Variants in EZH1 observed in about 807,000 individuals in gnomAD.
The protein encoded by EZH1 is histone-lysine N-methyltransferase EZH1.
Under a neutral mutation model 100.5 loss-of-function variants are expected in EZH1, and 33 were observed. That is an observed-to-expected ratio of 0.33 (90% CI 0.25 to 0.44). EZH1 has a LOEUF of 0.44. EZH1 is among the 20% of genes least tolerant of loss of function. EZH1 has a pLI of 1.00. For synonymous variants in EZH1, 272 were observed against 313.8 expected, an observed-to-expected ratio of 0.87 and a Z score of 1.41; for missense variants, 475 against 928.4, an observed-to-expected ratio of 0.51 and a Z score of 6.35.
At chr17:42,704,279 C>T (rs2053304372) in intron 18 of EZH1, among the ~76,000 whole-genome samples, 1 of 152,162 alleles carries the variant, frequency 6.6e-6, no homozygotes, top group African/African-American at 2.4e-5. Context: ...TGGCTTACTC[C>T]TGTAATCCTA....
chr17:42,703,823 G>A lies in EZH1; in HGVS notation c.2018-3C>T. 3.1e-6 allele frequency: 5 copies of A among 1,610,440 alleles called. No homozygotes were observed. In the East Asian group the frequency reaches 8.9e-5, roughly 29 times the overall value. On this transcript the variant is annotated splice_region_variant and splice_polypyrimidine_tract_variant and intron_variant, in intron 18 of 20. Transcript: ENST00000428826. ...CCGAGTAGCATCCACTACAAAATCT[G>A]TATAAAGTAAATCAAGGAAAACCAT...
chr17:42,724,766 T>C (rs2053784164), intron 4 of EZH1, among the ~76,000 whole-genome samples: 2 of 148,470 alleles, frequency 1.3e-5, no homozygotes, highest in Non-Finnish European at 1.5e-5. Flanking sequence ...AGAGCGAGAC[T>C]CTGTCTCAAG....
rs756153810 is a variant in EZH1, at chr17:42,712,288, C to A, written c.1401+1G>T. 1 of 1,613,076 alleles carries A rather than the reference C, an allele frequency of 6.2e-7. No individual in the cohort carries two copies. The highest frequency in any genetic ancestry group is 1.7e-5 in the Admixed American group (1 of 59,980). On this transcript the variant is annotated splice_donor_variant, in intron 12 of 20. Transcript: ENST00000428826. LOFTEE classifies it high-confidence loss of function. Reference sequence around the variant, plus strand: ...TTTGTTCTGCTGCTTCCAGATGGTACCTGCTTGCACGTCTTGGTCCCCAGA... The same window carrying A: ...TTTGTTCTGCTGCTTCCAGATGGTAACTGCTTGCACGTCTTGGTCCCCAGA...
At chr17:42,733,206 G>A (rs1356207569) in intron 1 of EZH1, among the ~76,000 whole-genome samples, 1 of 151,310 alleles carries the variant, frequency 6.6e-6, no homozygotes, top group East Asian at 1.9e-4. Context: ...GCGTGGTGGC[G>A]CATGCCTATA....
rs2053268908 is a variant in EZH1, at chr17:42,702,711, C to T, written c.2184-119G>A. 2.3e-6 allele frequency: 3 copies of T among 1,285,574 alleles called. No individual in the cohort carries two copies. In the African/African-American group the frequency reaches 4.4e-5, roughly 19 times the overall value. 79.6% of individuals were successfully genotyped at this position (1,285,574 alleles called of 1,614,324 possible). ...CCTTAAGGGCTGTTTACAATGGTCC[C>T]ACTTCTGAGGCAAGGCACCAGATAT... On this transcript the variant is annotated intron_variant, in intron 20 of 20. Transcript: ENST00000428826.
chr17:42,739,526 G>A (rs2054135411), intron 1 of EZH1, among the ~76,000 whole-genome samples: 1 of 152,092 alleles, frequency 6.6e-6, no homozygotes, highest in Non-Finnish European at 1.5e-5. Flanking sequence ...GAGGACAGGG[G>A]TTCGAGACCA....
chr17:42,729,107 A>G lies in EZH1; in HGVS notation c.-11-155T>C, dbSNP rs960709244. The G allele has an allele frequency of 4.2e-6, 3 of 707,288 alleles. No individual in the cohort carries two copies. The Admixed American group carries it at 1.1e-4, about 25-fold the overall frequency. The allele number at this position is 707,288 out of a possible 1,614,324, so 43.8% of individuals were successfully genotyped here. Reference sequence around the variant, plus strand: ...AAGAACCCAAATGTGTGAGTTCAACAGAAAGTTTCAATTTAAAAAAAAGAG... The same window carrying G: ...AAGAACCCAAATGTGTGAGTTCAACGGAAAGTTTCAATTTAAAAAAAAGAG... On this transcript the variant is annotated intron_variant, in intron 2 of 20. Coordinates refer to ENST00000428826, the MANE Select transcript of EZH1 (RefSeq NM_001991.5).
chr17:42,735,368 T>TA lies in EZH1; in HGVS notation c.-102-4451dup, dbSNP rs529591516. On this transcript the variant is annotated intron_variant, in intron 1 of 20. Coordinates refer to ENST00000428826, the MANE Select transcript of EZH1 (RefSeq NM_001991.5). ...TAACCAACAATTATCATATCAAAGT[T>TA]AAAAAAAAAAAAGGGAACAAATAAA... Among the ~76,000 whole-genome samples the TA allele has an allele frequency of 1.4e-3, 194 of 140,300 alleles. 1 individual carries two copies. In the East Asian group the frequency reaches 0.017, roughly 12 times the overall value. 92.0% of individuals were successfully genotyped at this position (140,300 alleles called of 152,430 possible). A position where few individuals can be genotyped will look rare whatever the true frequency, so the allele number is the denominator to read the frequency against.
chr17:42,704,739 G>A, intron 17 of EZH1, 56 bp from the exon 18 acceptor site: 4 of 1,435,540 alleles, frequency 2.8e-6, no homozygotes, highest in Non-Finnish European at 3.9e-6. Flanking sequence ...TCAGGGCATG[G>A]TACCCTGCCC....
At chr17:42,702,727 C>G (rs1267330340) in intron 20 of EZH1, 135 bp from the exon 21 acceptor site, 1 of 1,252,520 alleles carries the variant, frequency 8.0e-7, no homozygotes, top group Admixed American at 1.8e-5. Context: ...TGAGGCAAGG[C>G]ACCAGATATC....
rs980905072 is a variant in EZH1, at chr17:42,705,195, G to A, written c.1840-12C>T. The stretch of plus-strand genomic sequence containing the variant: ...GCCAGCAGCAGGTGCTGGGGAAGAG[G>A]GGGCCAAGTCTCAGACTACAGGGTG... On this transcript the variant is annotated splice_polypyrimidine_tract_variant and intron_variant, in intron 16 of 20. Coordinates refer to ENST00000428826, the MANE Select transcript of EZH1 (RefSeq NM_001991.5). The A allele has an allele frequency of 5.6e-6, 9 of 1,602,204 alleles. No individual in the cohort carries two copies. Among genetic ancestry groups the A allele is most frequent in the Admixed American group, 1.7e-5 (1 of 59,928 alleles).
Position 42,715,270 on chromosome 17 carries a change from T to TTA in EZH1, c.1024-1883_1024-1882dup, listed in dbSNP as rs554934129. Among the ~76,000 whole-genome samples, 1,379 of 144,800 alleles carry TTA rather than the reference T, an allele frequency of 9.5e-3. 24 individuals carry two copies. The highest frequency in any genetic ancestry group is 0.033 in the African/African-American group (1,306 of 39,644). 95.0% of individuals were successfully genotyped at this position (144,800 alleles called of 152,430 possible). Reference sequence around the variant, plus strand: ...ATAATATATAATAGATTATATGTATTTATATATATATATATTTTTTTGAGA... The same window carrying TTA: ...ATAATATATAATAGATTATATGTATTTATATATATATATATATTTTTTTGAGA... On this transcript the variant is annotated intron_variant, in intron 10 of 20. Transcript: ENST00000428826.
At chr17:42,702,656 G>T in intron 20 of EZH1, 64 bp from the exon 21 acceptor site, 1 of 1,490,090 alleles carries the variant, frequency 6.7e-7, no homozygotes, top group Non-Finnish European at 9.2e-7. Flanking sequence ...AAAAGGCGGA[G>T]TCCCCTCCCG....
chr17:42,744,923 C>T lies in EZH1; in HGVS notation c.-103+88G>A, dbSNP rs1050118940. The T allele has an allele frequency of 4.8e-5, 59 of 1,220,538 alleles. No individual in the cohort carries two copies. In the African/African-American group the frequency reaches 8.7e-4, roughly 18 times the overall value. 75.6% of individuals were successfully genotyped at this position (1,220,538 alleles called of 1,614,324 possible). A position where few individuals can be genotyped will look rare whatever the true frequency, so the allele number is the denominator to read the frequency against. Reference sequence around the variant, plus strand: ...CTCGGATTCCTTCCAATTTCCTGATCCCTCCGCCTCTCCCTCCCTCAGGCC... The same window carrying T: ...CTCGGATTCCTTCCAATTTCCTGATTCCTCCGCCTCTCCCTCCCTCAGGCC... On this transcript the variant is annotated intron_variant, in intron 1 of 20. Coordinates refer to ENST00000428826, the MANE Select transcript of EZH1 (RefSeq NM_001991.5).
chr17:42,727,247 CCTTT>C (rs1336594145), intron 4 of EZH1, among the ~76,000 whole-genome samples: 2 of 152,008 alleles, frequency 1.3e-5, no homozygotes, highest in East Asian at 1.9e-4. Flanking sequence ...TTATTTATTT[CCTTT>C]CTTTCCTTTT....
intron 2 of EZH1, chr17:42,729,365 C>A: frequency 5.9e-6 from 1 of 168,766 alleles, no homozygotes; most frequent in Non-Finnish European, 1.3e-5. Flanking sequence ...CGTGACCACG[C>A]CACTGCACTT....
chr17:42,731,715 C>T (rs1200763905), intron 1 of EZH1: 1 of 148,766 alleles, frequency 6.7e-6, no homozygotes, highest in African/African-American at 2.6e-5. Context: ...CATGGTGAAA[C>T]CCCGTTTCCA....
In EZH1 at chr17:42,712,212, T is replaced by C. The variant is rs1597831668; in HGVS notation, c.1401+77A>G. On this transcript the variant is annotated intron_variant, in intron 12 of 20. Coordinates refer to ENST00000428826, the MANE Select transcript of EZH1 (RefSeq NM_001991.5). ...TCTCTCCAGACCCAGACACACAGCCTGGTAAGATGGCAAAGGGCTGGACAG... is the reference window on the plus strand; with the variant it reads ...TCTCTCCAGACCCAGACACACAGCCCGGTAAGATGGCAAAGGGCTGGACAG... 5.5e-6 allele frequency: 8 copies of C among 1,458,728 alleles called. No homozygotes were observed. In the East Asian group the frequency reaches 1.8e-4, roughly 33 times the overall value. 90.4% of individuals were successfully genotyped at this position (1,458,728 alleles called of 1,614,324 possible). A position where few individuals can be genotyped will look rare whatever the true frequency, so the allele number is the denominator to read the frequency against.
intron 5 of EZH1, 60 bp from the exon 6 acceptor site, chr17:42,722,975 T>C: frequency 1.3e-6 from 2 of 1,557,566 alleles, no homozygotes; most frequent in East Asian, 2.3e-5. Context: ...CTCTTTCCTA[T>C]TTAGTGGAAT....
Sources: allele counts gnomAD v4.1 joint callset (sites outside exome capture counted in the v4.1 genomes callset), GRCh38; gene constraint gnomAD v4.1.1; transcripts MANE v1.5; gene names NCBI Gene and HGNC (gene_info 2026-07-23, HGNC 2026-07-21).